The following ARAP1 variants were observed in gnomAD, a reference collection of about 807,000 sequenced individuals.
ARAP1 encodes arf-GAP with Rho-GAP domain, ANK repeat and PH domain-containing protein 1.
ARAP1 carries 76 observed loss-of-function variants against 172.2 expected under a neutral mutation model. The ratio of observed to expected loss-of-function variants is 0.44; its 90% CI spans 0.37 to 0.53. The LOEUF (loss-of-function observed/expected upper bound fraction) is 0.53. ARAP1 is among the 20% of genes least tolerant of loss of function. The probability of loss-of-function intolerance (pLI) is 0.00; values close to 1 mark genes in which losing one functional copy is unlikely to be tolerated. For synonymous variants in ARAP1, 804 were observed against 803.3 expected, an observed-to-expected ratio of 1.00 and a Z score of -0.01; for missense variants, 1,686 against 1,977.5, an observed-to-expected ratio of 0.85 and a Z score of 2.80.
In ARAP1 at chr11:72,725,591, T is replaced by C. The variant is rs541905971; in HGVS notation, c.509+1029A>G. ...CCCTGACTTAATGCTCCTCCCTGGG[T>C]GGAAAGAATCTCCCAGACCCTCCCC... On this transcript the variant is annotated intron_variant, in intron 3 of 34. Coordinates refer to ENST00000393609, the MANE Select transcript of ARAP1 (RefSeq NM_001040118.3). The surrounding 1 kb of genome is among the most constrained non-coding windows in gnomAD (Gnocchi z 4.3). 2.2e-4 allele frequency among the ~76,000 whole-genome samples: 34 copies of C among 151,900 alleles called. No individual in the cohort carries two copies. Among genetic ancestry groups the C allele is most frequent in the African/African-American group, 5.1e-4 (21 of 41,410 alleles).
chr11:72,703,190 A>T, intron 14 of ARAP1, 111 bp from the exon 15 acceptor site: 2 of 1,098,464 alleles, frequency 1.8e-6, no homozygotes, highest in Non-Finnish European at 2.5e-6. Context: ...GGCCTGGAGC[A>T]GTCCATCCTC....
chr11:72,733,087 C>T (rs892829266), intron 1 of ARAP1, among the ~76,000 whole-genome samples: 1 of 152,186 alleles, frequency 6.6e-6, no homozygotes, highest in African/African-American at 2.4e-5. Context: ...CTCATGGAAA[C>T]TGGCAACAGA....
Position 72,712,357 on chromosome 11 carries a change from G to A in ARAP1, c.879-18C>T, listed in dbSNP as rs1857055909. 1.9e-6 allele frequency: 3 copies of A among 1,544,732 alleles called. No individual in the cohort carries two copies. The East Asian group carries it at 6.8e-5, about 35-fold the overall frequency. On this transcript the variant is annotated intron_variant, in intron 6 of 34. Coordinates refer to ENST00000393609, the MANE Select transcript of ARAP1 (RefSeq NM_001040118.3). ...ATCCGCCACTAGCGAGAGATGAGGG[G>A]ATGGGGGGCCGGGCTGAGGAGGCAA...
In ARAP1 at chr11:72,685,396, G is replaced by A. The variant is rs1855629139; in HGVS notation, c.*268C>T. On this transcript the variant is annotated 3_prime_UTR_variant, in exon 35 of 35. Transcript: ENST00000393609. The stretch of plus-strand genomic sequence containing the variant: ...ATGCCCATCTCTCCAGCCCCACAAG[G>A]ACAGTGAACCCGGTGGGGTGAGCAG... 1.8e-6 allele frequency: 1 copy of A among 554,412 alleles called. No individual in the cohort carries two copies. The highest frequency in any genetic ancestry group is 3.2e-6 in the Non-Finnish European group (1 of 309,698). The allele number at this position is 554,412 out of a possible 1,614,324, so 34.3% of individuals were successfully genotyped here. A position where few individuals can be genotyped will look rare whatever the true frequency, so the allele number is the denominator to read the frequency against.
Position 72,687,778 on chromosome 11 carries a change from C to T in ARAP1, c.4071-40G>A, listed in dbSNP as rs1177318199. 1.9e-6 allele frequency: 3 copies of T among 1,611,402 alleles called. No homozygotes were observed. The African/African-American group carries it at 4.0e-5, about 22-fold the overall frequency. ...GGGAGAGAGTTGGGTGTTTGACAGG[C>T]CATAGAGGCTCAACACCCCAGTTCC... On this transcript the variant is annotated intron_variant, in intron 31 of 34. Coordinates refer to ENST00000393609, the MANE Select transcript of ARAP1 (RefSeq NM_001040118.3).
Position 72,702,976 on chromosome 11 carries a change from G to A in ARAP1, c.2096C>T (p.Thr699Met), listed in dbSNP as rs142506020. The change falls in exon 15 of 35, where the codon ACG becomes ATG. Residue 699 changes from threonine (T) to methionine (M), a missense_variant. Physicochemically the swap from Thr to Met is moderately conservative, Grantham distance 81 (BLOSUM62 -1). This residue lies in a region of ARAP1 where 688 missense variants were observed against 856.9 expected (regional missense o/e 0.80). Coordinates refer to ENST00000393609, the MANE Select transcript of ARAP1 (RefSeq NM_001040118.3). ...CGCCTGCTCTGCAAGAGCCAGGGGC[G>A]TGGGGGCCTCAGGGTCCCCCGAGAA... ...NCFSGDPEAPTPLALAEQAGQ... is the reference protein window; with the variant it reads ...NCFSGDPEAPMPLALAEQAGQ... 5.6e-4 allele frequency: 885 copies of A among 1,568,130 alleles called. 1 individual carries two copies. Among genetic ancestry groups the A allele is most frequent in the South Asian group, 1.4e-3 (120 of 85,212 alleles).
intron 22 of ARAP1, 152 bp downstream of exon 22, chr11:72,696,831 G>A (rs1856216978): frequency 1.0e-6 from 1 of 994,042 alleles, no homozygotes; most frequent in Non-Finnish European, 1.5e-6. Flanking sequence ...CCCTGGCTCT[G>A]TATGGAGCGG....
In ARAP1 at chr11:72,712,486, T is replaced by C. The variant is rs765303092; in HGVS notation, c.830A>G (p.Asp277Gly). The change falls in exon 6 of 35, where the codon GAC becomes GGC. Residue 277 changes from aspartate to glycine, a missense_variant. Physicochemically the swap from Asp to Gly is moderately conservative, Grantham distance 94. This residue lies in a region of ARAP1 where 688 missense variants were observed against 856.9 expected (regional missense o/e 0.80). Transcript: ENST00000393609. ...LSEGEELSGD[D>G]QGDEEEDDHA... ...GTCATCCTCTTCCTCATCCCCTTGG[T>C]CGTCCCCAGACAGTTCCTCTCCCTC... is the stretch of plus-strand genomic sequence containing the variant. The C allele has an allele frequency of 5.7e-5, 91 of 1,609,944 alleles. No homozygotes were observed. The highest frequency in any genetic ancestry group is 6.9e-5 in the Non-Finnish European group (81 of 1,177,102).
rs371128610 is a variant in ARAP1, at chr11:72,707,147, C to T, written c.1723+28G>A. 5.9e-6 allele frequency: 9 copies of T among 1,526,696 alleles called. No homozygotes were observed. In the African/African-American group the frequency reaches 1.1e-4, roughly 19 times the overall value. 94.6% of individuals were successfully genotyped at this position (1,526,696 alleles called of 1,614,324 possible). ...ACTGGCCAACCCCGCCATGCCTCTG[C>T]CTGGTGCCCCGACCCCCATGCACAC... On this transcript the variant is annotated intron_variant, in intron 12 of 34. Transcript: ENST00000393609.
intron 2 of ARAP1, among the ~76,000 whole-genome samples, chr11:72,728,815 A>G (rs1857773978): frequency 6.6e-6 from 1 of 152,252 alleles, no homozygotes; most frequent in Admixed American, 6.5e-5. Context: ...AGAGCACAGT[A>G]AGTTCTGGAT....
chr11:72,686,771 C>T (rs777580423), intron 33 of ARAP1, among the ~76,000 whole-genome samples: 2 of 152,166 alleles, frequency 1.3e-5, no homozygotes, highest in Admixed American at 6.5e-5. Flanking sequence ...GTTCTACCCT[C>T]GGTCCCACTG....
Position 72,741,248 on chromosome 11 carries a change from C to G in ARAP1, c.-127-8651G>C, listed in dbSNP as rs1197273329. 6.6e-6 allele frequency among the ~76,000 whole-genome samples: 1 copy of G among 152,054 alleles called. No homozygotes were observed. The highest frequency in any genetic ancestry group is 1.5e-5 in the Non-Finnish European group (1 of 67,998). On this transcript the variant is annotated intron_variant, in intron 1 of 34. Transcript: ENST00000393609. This position sits in a 1 kb window ranked among gnomAD's most constrained non-coding sequence, Gnocchi z 4.5. ...CCCTCACCGCTGCCTCCTGCCTCTG[C>G]CCCCTGCAACCAGGACATACTCTAG... is the stretch of plus-strand genomic sequence containing the variant.
rs551414921 is a variant in ARAP1 at position 72,741,553 on chromosome 11, C to G, written c.-127-8956G>C. ...AACTCCTCCCACAGAGGGCAAGGGG[C>G]AGCCTGAGGAGCCACAGGATGACTC... On this transcript the variant is annotated intron_variant, in intron 1 of 34. Coordinates refer to ENST00000393609, the MANE Select transcript of ARAP1 (RefSeq NM_001040118.3). The surrounding 1 kb of genome is among the most constrained non-coding windows in gnomAD (Gnocchi z 4.5). 6.6e-5 allele frequency among the ~76,000 whole-genome samples: 10 copies of G among 152,264 alleles called. No homozygotes were observed. In the South Asian group the frequency reaches 2.1e-3, roughly 32 times the overall value.
intron 3 of ARAP1, among the ~76,000 whole-genome samples, chr11:72,715,466 T>G (rs1231635540): frequency 1.3e-5 from 2 of 151,966 alleles, no homozygotes; most frequent in Non-Finnish European, 1.5e-5. Context: ...AGGGTCTGCC[T>G]GGGGTGTGGT....
chr11:72,713,136 C>A, intron 5 of ARAP1, 40 bp downstream of exon 5: 2 of 1,607,726 alleles, frequency 1.2e-6, no homozygotes, highest in Non-Finnish European at 1.7e-6. Flanking sequence ...GGCACCCCCA[C>A]AACACCCTGA....
In ARAP1 at chr11:72,697,141, C is replaced by T. The variant is rs759373725; in HGVS notation, c.3008G>A (p.Arg1003Gln). ...ATCCTGCCGCAGGCTCTCCAGCAGCCGCTGTGTCTTCGATGTCTGCCCACA... is the reference window on the plus strand; with the variant it reads ...ATCCTGCCGCAGGCTCTCCAGCAGCTGCTGTGTCTTCGATGTCTGCCCACA... ...RKCGQTSKTQ[R>Q]LLESLRQDAR... The change falls in exon 22 of 35, where the codon CGG becomes CAG. Residue 1003 changes from arginine to glutamine, a missense_variant. Physicochemically the swap from Arg to Gln is conservative, Grantham distance 43 (BLOSUM62 1). Coordinates refer to ENST00000393609, the MANE Select transcript of ARAP1 (RefSeq NM_001040118.3). The T allele has an allele frequency of 2.5e-6, 4 of 1,605,748 alleles. No individual in the cohort carries two copies. The highest frequency in any genetic ancestry group is 1.3e-5 in the African/African-American group (1 of 75,040).
Position 72,726,911 on chromosome 11 carries a change from G to A in ARAP1, c.218C>T (p.Pro73Leu). The A allele has an allele frequency of 1.3e-6, 2 of 1,588,160 alleles. No individual in the cohort carries two copies. Among genetic ancestry groups the A allele is most frequent in the Non-Finnish European group, 8.6e-7 (1 of 1,167,326 alleles). The stretch of plus-strand genomic sequence containing the variant: ...AGGCCGTGGGGTGGGGCGGGGTGCA[G>A]GGGCCGGTGAGGTATGGGCACGGAG... ...GLLRAHTSPA[P>L]APRPTPRPVP... Residue 73 changes from proline to leucine, a missense_variant, in exon 3 of 35, where the codon CCT becomes CTT. By Grantham distance (98) the Pro-to-Leu change is moderately conservative. Transcript: ENST00000393609. The surrounding 1 kb of genome is among the most constrained non-coding windows in gnomAD (Gnocchi z 6.5).
chr11:72,719,875 C>A (rs1857437264), intron 3 of ARAP1, among the ~76,000 whole-genome samples: 1 of 152,146 alleles, frequency 6.6e-6, no homozygotes, highest in Admixed American at 6.5e-5. Flanking sequence ...GGAACACCCT[C>A]CCCTGCCTGG....
chr11:72,686,346 G>C (rs944893940), intron 33 of ARAP1, among the ~76,000 whole-genome samples, 155 bp from the exon 34 acceptor site: 5 of 152,190 alleles, frequency 3.3e-5, no homozygotes, highest in African/African-American at 9.7e-5. Context: ...GCTGTGGGGA[G>C]AACATGACTG....
Sources: allele counts gnomAD v4.1 joint callset (sites outside exome capture counted in the v4.1 genomes callset), GRCh38; gene constraint gnomAD v4.1.1; regional missense constraint gnomAD v4.1.1; non-coding constraint Gnocchi (gnomAD v3.1); transcripts MANE v1.5; gene names NCBI Gene and HGNC (gene_info 2026-07-23, HGNC 2026-07-21).